Variants in STX7 observed in about 807,000 individuals in gnomAD.
STX7 encodes syntaxin 7.
In STX7, 34 loss-of-function variants were observed where a neutral mutation model predicts 39.6. The ratio of observed to expected loss-of-function variants is 0.86; its 90% CI spans 0.65 to 1.14. The LOEUF is 1.14. Ranked by LOEUF, STX7 falls within the 50% of genes most tolerant of loss-of-function variation. The pLI is 0.00. For missense variants in STX7, 284 were observed against 310.4 expected, an observed-to-expected ratio of 0.92 and a Z score of 0.64; for synonymous variants, 119 against 99.1, an observed-to-expected ratio of 1.20 and a Z score of -1.19.
rs1421845137 is a variant in STX7 at position 132,450,926 on chromosome 6, A to T, written c.*9832T>A. 1 of 152,106 alleles carries T rather than the reference A, an allele frequency of 6.6e-6. No homozygotes were observed. Among genetic ancestry groups the T allele is most frequent in the Non-Finnish European group, 1.5e-5 (1 of 68,018 alleles). The allele number at this position is 152,106 out of a possible 1,614,324, so 9.4% of individuals were successfully genotyped here. On this transcript the variant is annotated 3_prime_UTR_variant, in exon 10 of 10. Coordinates refer to ENST00000367941, the MANE Select transcript of STX7 (RefSeq NM_003569.3). ...AAGACATAAACATATAGATGGTGAG[A>T]AGACCTCAAATATAATAAACCCCCC...
chr6:132,450,511 T>C lies in STX7; in HGVS notation c.*10247A>G, dbSNP rs1046937659. 7.2e-6 allele frequency: 1 copy of C among 139,422 alleles called. No homozygotes were observed. The highest frequency in any genetic ancestry group is 1.6e-5 in the Non-Finnish European group (1 of 64,000). The allele number at this position is 139,422 out of a possible 1,614,324, so 8.6% of individuals were successfully genotyped here. Reference sequence around the variant, plus strand: ...TTAAAGAGACCAACTTTTGTTTAAATTGATCCTCTCAAAAAAAAAAAAATT... The same window carrying C: ...TTAAAGAGACCAACTTTTGTTTAAACTGATCCTCTCAAAAAAAAAAAAATT... On this transcript the variant is annotated 3_prime_UTR_variant, in exon 10 of 10. Transcript: ENST00000367941.
At position 132,449,370 on chromosome 6, in the gene STX7, A is replaced by G. The variant is rs1774092780; in HGVS notation, c.*11388T>C. ...GATCTCAAACTCCTGGCTTCAAGTG[A>G]TCCTTCTGCTTTGGCCTCCCAAAAT... On this transcript the variant is annotated 3_prime_UTR_variant, in exon 10 of 10. Coordinates refer to ENST00000367941, the MANE Select transcript of STX7 (RefSeq NM_003569.3). 6.6e-6 allele frequency: 1 copy of G among 151,942 alleles called. No homozygotes were observed. The highest frequency in any genetic ancestry group is 1.5e-5 in the Non-Finnish European group (1 of 68,022). 9.4% of individuals were successfully genotyped at this position (151,942 alleles called of 1,614,324 possible).
intron 8 of STX7, among the ~76,000 whole-genome samples, chr6:132,467,781 A>G (rs957083780): frequency 2.4e-4 from 37 of 152,238 alleles, no homozygotes; most frequent in African/African-American, 7.0e-4. Context: ...ACCAATACAT[A>G]GCTCCAGACT....
chr6:132,485,723 C>T (rs552661927), intron 2 of STX7, among the ~76,000 whole-genome samples: 67 of 152,192 alleles, frequency 4.4e-4, no homozygotes, highest in African/African-American at 1.5e-3. Flanking sequence ...TAGTGGTATC[C>T]GTGCTTTTAA....
chr6:132,481,434 C>G (rs147870264), intron 2 of STX7, among the ~76,000 whole-genome samples: 35 of 152,242 alleles, frequency 2.3e-4, no homozygotes, highest in African/African-American at 8.2e-4. Context: ...AAGTATTAGT[C>G]ACTATCACTA....
intron 8 of STX7, 98 bp from the exon 9 acceptor site, chr6:132,464,173 C>A: frequency 8.2e-7 from 1 of 1,215,336 alleles, no homozygotes; most frequent in South Asian, 1.2e-5. Flanking sequence ...TAAATATGGT[C>A]ATTATTCAAA....
rs1362503760 is a variant in STX7, at chr6:132,496,106, AAC to A, written c.85+7338_85+7339del. ...CTGTCTTTCCAAATTTTCTGGAAAA[AAC>A]ACACATCCACAAGCCCATGTGATAC... On this transcript the variant is annotated intron_variant, in intron 2 of 9. Coordinates refer to ENST00000367941, the MANE Select transcript of STX7 (RefSeq NM_003569.3). Among the ~76,000 whole-genome samples the A allele has an allele frequency of 5.3e-5, 8 of 152,268 alleles. No individual in the cohort carries two copies. In the East Asian group the frequency reaches 1.5e-3, roughly 29 times the overall value.
rs1774107298 is a variant in STX7 at position 132,450,091 on chromosome 6, G to T, written c.*10667C>A. On this transcript the variant is annotated 3_prime_UTR_variant, in exon 10 of 10. Coordinates refer to ENST00000367941, the MANE Select transcript of STX7 (RefSeq NM_003569.3). ...TAAGTCTCAGAGGCACAGTTTTCCTGTTTCTCAACTACTTTAATTTTAGCC... is the reference window on the plus strand; with the variant it reads ...TAAGTCTCAGAGGCACAGTTTTCCTTTTTCTCAACTACTTTAATTTTAGCC... The T allele has an allele frequency of 1.5e-5, 2 of 136,830 alleles. No homozygotes were observed. Among genetic ancestry groups the T allele is most frequent in the African/African-American group, 5.2e-5 (2 of 38,604 alleles). The allele number at this position is 136,830 out of a possible 1,614,324, so 8.5% of individuals were successfully genotyped here.
Position 132,458,631 on chromosome 6 carries a change from G to A in STX7, c.*2127C>T, listed in dbSNP as rs1774307653. The A allele has an allele frequency of 6.6e-6, 1 of 152,152 alleles. No homozygotes were observed. Among genetic ancestry groups the A allele is most frequent in the Non-Finnish European group, 1.5e-5 (1 of 68,034 alleles). The allele number at this position is 152,152 out of a possible 1,614,324, so 9.4% of individuals were successfully genotyped here. On this transcript the variant is annotated 3_prime_UTR_variant, in exon 10 of 10. Coordinates refer to ENST00000367941, the MANE Select transcript of STX7 (RefSeq NM_003569.3). ...AGGGCAACCTTCACTTTTCACAGCA[G>A]TTCTAAAACTGACCTACAGAAAAGT...
At chr6:132,501,942 A>G (rs2114470355) in intron 2 of STX7, among the ~76,000 whole-genome samples, 1 of 151,596 alleles carries the variant, frequency 6.6e-6, no homozygotes, top group Admixed American at 6.6e-5. Flanking sequence ...CTGATGCCAG[A>G]GGAGCAAAGC....
In STX7 at chr6:132,448,992, T is replaced by C. The variant is rs929443207; in HGVS notation, c.*11766A>G. The stretch of plus-strand genomic sequence containing the variant: ...GCTTCCTTTTCCTGGTTGATATACA[T>C]TTTGCTTCTTGTATATGTGGATCCA... On this transcript the variant is annotated 3_prime_UTR_variant, in exon 10 of 10. Coordinates refer to ENST00000367941, the MANE Select transcript of STX7 (RefSeq NM_003569.3). 15 of 151,860 alleles carry C rather than the reference T, an allele frequency of 9.9e-5. No homozygotes were observed. Among genetic ancestry groups the C allele is most frequent in the African/African-American group, 3.6e-4 (15 of 41,304 alleles). The allele number at this position is 151,860 out of a possible 1,614,324, so 9.4% of individuals were successfully genotyped here. A position where few individuals can be genotyped will look rare whatever the true frequency, so the allele number is the denominator to read the frequency against.
chr6:132,468,241 T>C (rs932814804), intron 8 of STX7, among the ~76,000 whole-genome samples, 162 bp downstream of exon 8: 13 of 152,214 alleles, frequency 8.5e-5, no homozygotes, highest in Admixed American at 2.6e-4. Flanking sequence ...CTGTTTTAGA[T>C]AATGCCAAGG....
At chr6:132,493,844 C>G (rs1775355115) in intron 2 of STX7, among the ~76,000 whole-genome samples, 1 of 152,148 alleles carries the variant, frequency 6.6e-6, no homozygotes, top group Admixed American at 6.5e-5. Flanking sequence ...TACTTCAGCA[C>G]CAAATCAACC....
rs1775893027 is a variant in STX7 at position 132,513,010 on chromosome 6, G to A, written c.-62C>T. 1 of 152,258 alleles carries A rather than the reference G, an allele frequency of 6.6e-6. No homozygotes were observed. The highest frequency in any genetic ancestry group is 1.5e-5 in the Non-Finnish European group (1 of 68,066). The allele number at this position is 152,258 out of a possible 1,614,324, so 9.4% of individuals were successfully genotyped here. A position where few individuals can be genotyped will look rare whatever the true frequency, so the allele number is the denominator to read the frequency against. Reference sequence around the variant, plus strand: ...CCCCTCCCCAGGGTCCTCTTACCTGGACCTCCACGGCTCCCTCCTACACCT... The same window carrying A: ...CCCCTCCCCAGGGTCCTCTTACCTGAACCTCCACGGCTCCCTCCTACACCT... On this transcript the variant is annotated 5_prime_UTR_variant, in exon 1 of 10. Coordinates refer to ENST00000367941, the MANE Select transcript of STX7 (RefSeq NM_003569.3).
At chr6:132,475,929 C>G (rs375200179) in intron 2 of STX7, among the ~76,000 whole-genome samples, 4 of 152,128 alleles carry the variant, frequency 2.6e-5, no homozygotes, top group Admixed American at 1.3e-4. Context: ...TTCCTTATCC[C>G]ATCAGGATAT....
At chr6:132,495,202 T>C (rs975358511) in intron 2 of STX7, among the ~76,000 whole-genome samples, 3 of 152,264 alleles carry the variant, frequency 2.0e-5, no homozygotes, top group African/African-American at 7.2e-5. Flanking sequence ...AATTCACTCA[T>C]ATCCGGCCAT....
chr6:132,471,468 C>T lies in STX7; in HGVS notation c.382G>A (p.Val128Met), dbSNP rs1372867837. The T allele has an allele frequency of 6.2e-7, 1 of 1,613,632 alleles. No individual in the cohort carries two copies. The highest frequency in any genetic ancestry group is 2.2e-5 in the East Asian group (1 of 44,868). Reference sequence around the variant, plus strand: ...ATGTCTTTTAAAATACTTACAGACACTCTGGAACTGGCTCTTACTCGAGCA... The same window carrying T: ...ATGTCTTTTAAAATACTTACAGACATTCTGGAACTGGCTCTTACTCGAGCA... ...FVARVRASSR[V>M]SGSFPEDSSK... The change falls in exon 5 of 10, where the codon GTG (valine) becomes ATG (methionine). Residue 128 changes from valine to methionine, a missense_variant. Coordinates refer to ENST00000367941, the MANE Select transcript of STX7 (RefSeq NM_003569.3).
At chr6:132,495,104 T>C (rs1582675480) in intron 2 of STX7, among the ~76,000 whole-genome samples, 1 of 152,176 alleles carries the variant, frequency 6.6e-6, no homozygotes, top group South Asian at 2.1e-4. Context: ...CAGAAGCATA[T>C]GTATGGTTCA....
At chr6:132,462,732 T>C (rs1436437571) in intron 9 of STX7, among the ~76,000 whole-genome samples, 1 of 151,884 alleles carries the variant, frequency 6.6e-6, no homozygotes, top group Non-Finnish European at 1.5e-5. Context: ...TAAACAGGAG[T>C]GACTGTCAGT....
Sources: allele counts gnomAD v4.1 joint callset (sites outside exome capture counted in the v4.1 genomes callset), GRCh38; gene constraint gnomAD v4.1.1; transcripts MANE v1.5; gene names NCBI Gene and HGNC (gene_info 2026-07-23, HGNC 2026-07-21).